CCDC88C: variants seen among roughly 807,000 people sequenced by gnomAD.
CCDC88C encodes protein Daple.
Under a neutral mutation model 198.8 loss-of-function variants are expected in CCDC88C, and 131 were observed. The observed-to-expected ratio is 0.66, with a 90% CI of 0.57 to 0.76. The LOEUF is 0.76. Among genes scored for constraint, CCDC88C ranks in the 30% least tolerant of loss-of-function variants. CCDC88C has a pLI of 0.00. For missense variants in CCDC88C, 2,553 were observed against 2,631.6 expected (o/e 0.97, Z 0.65); for synonymous variants, 1,166 against 1,114.7 (o/e 1.05, Z -0.92).
chr14:91,308,027 G>A (rs1046549587), intron 17 of CCDC88C, among the ~76,000 whole-genome samples: 7 of 152,260 alleles, frequency 4.6e-5, no homozygotes, highest in African/African-American at 1.2e-4. Flanking sequence ...GAGGGCACCC[G>A]TGAGACTCTG....
chr14:91,400,718 T>A (rs138708623), intron 3 of CCDC88C, among the ~76,000 whole-genome samples: 37 of 152,390 alleles, frequency 2.4e-4, no homozygotes, highest in African/African-American at 8.9e-4. Context: ...AATAGCAATT[T>A]GTTAAAATAG....
rs184901155 is a variant in CCDC88C at position 91,369,157 on chromosome 14, C to A, written c.271-9446G>T. On this transcript the variant is annotated intron_variant, in intron 3 of 29. Transcript: ENST00000389857. ...CATCTTCATCACCTCATGCCCAAAG[C>A]CAGAGCACTTTCTACAGCACAGGCC... Among the ~76,000 whole-genome samples the A allele has an allele frequency of 4.1e-3, 626 of 152,300 alleles. 3 individuals carry two copies. Among genetic ancestry groups the A allele is most frequent in the South Asian group, 0.016 (77 of 4,820 alleles).
Position 91,273,652 on chromosome 14 carries a change from TC to T in CCDC88C, c.5059del (p.Asp1687ThrfsTer10). On this transcript the variant is annotated frameshift_variant and splice_region_variant, in exon 30 of 30. Coordinates refer to ENST00000389857, the MANE Select transcript of CCDC88C (RefSeq NM_001080414.4). LOFTEE classifies it low-confidence loss of function (END_TRUNC). This position sits in a 1 kb window ranked among gnomAD's most constrained non-coding sequence, Gnocchi z 5.6. ...EESNRSSPTH[D>X]TPSCRDDLLS... The stretch of plus-strand genomic sequence containing the variant: ...CAGGTCATCCCGGCAACTGGGAGTG[TC>T]CTACGGAGAAGAGAGTGAAGGTTGG... 1 of 1,469,482 alleles carries T rather than the reference TC, an allele frequency of 6.8e-7. No individual in the cohort carries two copies. Among genetic ancestry groups the T allele is most frequent in the Non-Finnish European group, 9.0e-7 (1 of 1,109,044 alleles). The allele number at this position is 1,469,482 out of a possible 1,614,324, so 91.0% of individuals were successfully genotyped here. A position where few individuals can be genotyped will look rare whatever the true frequency, so the allele number is the denominator to read the frequency against.
chr14:91,346,481 ATT>A (rs33941089), intron 4 of CCDC88C, among the ~76,000 whole-genome samples: 8 of 149,538 alleles, frequency 5.3e-5, no homozygotes, highest in Non-Finnish European at 1.0e-4. Context: ...AAATCTTAGG[ATT>A]TTTTTTTTTT....
At chr14:91,300,576 C>G (rs1252646639) in intron 20 of CCDC88C, among the ~76,000 whole-genome samples, 1 of 152,188 alleles carries the variant, frequency 6.6e-6, no homozygotes, top group African/African-American at 2.4e-5. Context: ...TGTTCTTAGT[C>G]TGGCCTTCCC....
At position 91,352,852 on chromosome 14, in the gene CCDC88C, A is replaced by AT. The variant is rs1412744864; in HGVS notation, c.340+6789dup. 6.6e-6 allele frequency among the ~76,000 whole-genome samples: 1 copy of AT among 152,152 alleles called. No individual in the cohort carries two copies. The highest frequency in any genetic ancestry group is 1.5e-5 in the Non-Finnish European group (1 of 68,028). On this transcript the variant is annotated intron_variant, in intron 4 of 29. Coordinates refer to ENST00000389857, the MANE Select transcript of CCDC88C (RefSeq NM_001080414.4). The surrounding 1 kb of genome is among the most constrained non-coding windows in gnomAD (Gnocchi z 4.2). Reference sequence around the variant, plus strand: ...CAGGGCCAGGAAGACAGGGCTTTTGATTTTTAAAAGCACCATCTCTGCAGC... The same window carrying AT: ...CAGGGCCAGGAAGACAGGGCTTTTGATTTTTTAAAAGCACCATCTCTGCAGC...
rs111597834 is a variant in CCDC88C, at chr14:91,285,040, T to C, written c.4442-1523A>G. On this transcript the variant is annotated intron_variant, in intron 25 of 29. Transcript: ENST00000389857. ...TTTAACTTCAGCATCCAAGATGTCA[T>C]AAAACCACAGCACAGTCATAAAACT... Among the ~76,000 whole-genome samples, 721 of 152,280 alleles carry C rather than the reference T, an allele frequency of 4.7e-3. 5 individuals carry two copies. The highest frequency in any genetic ancestry group is 0.016 in the African/African-American group (670 of 41,554).
At position 91,341,119 on chromosome 14, in the gene CCDC88C, C is replaced by T. The variant is rs114114807; in HGVS notation, c.484-1095G>A. Among the ~76,000 whole-genome samples, 1,125 of 152,320 alleles carry T rather than the reference C, an allele frequency of 7.4e-3. 11 individuals carry two copies. Among genetic ancestry groups the T allele is most frequent in the African/African-American group, 0.026 (1,068 of 41,568 alleles). On this transcript the variant is annotated intron_variant, in intron 6 of 29. Transcript: ENST00000389857. Reference sequence around the variant, plus strand: ...AGAGACACCACCTTCTTACCTCTCCCCACCTTAAAAGGCCGAGTTTGGATA... The same window carrying T: ...AGAGACACCACCTTCTTACCTCTCCTCACCTTAAAAGGCCGAGTTTGGATA...
intron 3 of CCDC88C, among the ~76,000 whole-genome samples, chr14:91,400,752 C>T (rs1311197940): frequency 1.3e-5 from 2 of 152,112 alleles, no homozygotes; most frequent in Admixed American, 1.3e-4. Context: ...AACACAATCA[C>T]AAAGGGTGAA....
Position 91,294,285 on chromosome 14 carries a change from C to T in CCDC88C, c.4000G>A (p.Glu1334Lys). 6.2e-7 allele frequency: 1 copy of T among 1,614,034 alleles called. No homozygotes were observed. Among genetic ancestry groups the T allele is most frequent in the Non-Finnish European group, 8.5e-7 (1 of 1,179,894 alleles). ...ATCTGGCTCAGGAGGTGATGATTTT[C>T]TTCCTCCAAGTTCCCCTTGAGACGG... is the stretch of plus-strand genomic sequence containing the variant. The part of the protein sequence containing the change: ...LSRLKGNLEE[E>K]NHHLLSQIQL... The change falls in exon 23 of 30, where the codon GAA becomes AAA. Residue 1334 changes from glutamate to lysine, a missense_variant. This residue lies in a region of CCDC88C where 1,293 missense variants were observed against 1,219.6 expected (regional missense o/e 1.06). Transcript: ENST00000389857.
chr14:91,382,848 G>A (rs1884890167), intron 3 of CCDC88C, among the ~76,000 whole-genome samples: 1 of 152,138 alleles, frequency 6.6e-6, no homozygotes, highest in South Asian at 2.1e-4. Context: ...GCCTCTCAGG[G>A]CCCAGGTGTC....
intron 3 of CCDC88C, among the ~76,000 whole-genome samples, chr14:91,403,785 C>G (rs111438444): frequency 0.021 from 3,202 of 152,216 alleles, 112 homozygotes; most frequent in African/African-American, 0.072. Context: ...CAAAAAGTAG[C>G]CAGGCGTGGT....
At position 91,272,921 on chromosome 14, in the gene CCDC88C, G is replaced by T. The variant is rs1283023729; in HGVS notation, c.5791C>A (p.Pro1931Thr). Reference sequence around the variant, plus strand: ...GTCCTGGCAGCCGGGGCTGCAGCAGGTGAGAAGTGCAGGAGCTGGGAGTTG... The same window carrying T: ...GTCCTGGCAGCCGGGGCTGCAGCAGTTGAGAAGTGCAGGAGCTGGGAGTTG... ...GSNSQLLHFSPAAAPAARTKP... is the reference protein window; with the variant it reads ...GSNSQLLHFSTAAAPAARTKP... Residue 1931 changes from proline to threonine, a missense_variant, in exon 30 of 30, where the codon CCT becomes ACT. Pro to Thr is a conservative substitution (Grantham distance 38, BLOSUM62 -1). This residue lies in a region of CCDC88C where 1,293 missense variants were observed against 1,219.6 expected (regional missense o/e 1.06). Coordinates refer to ENST00000389857, the MANE Select transcript of CCDC88C (RefSeq NM_001080414.4). 1 of 1,573,132 alleles carries T rather than the reference G, an allele frequency of 6.4e-7. No homozygotes were observed. The highest frequency in any genetic ancestry group is 8.6e-7 in the Non-Finnish European group (1 of 1,163,978).
chr14:91,271,674 G>A lies in CCDC88C; in HGVS notation c.*951C>T, dbSNP rs1453600352. The A allele has an allele frequency of 2.0e-5, 3 of 152,280 alleles. No individual in the cohort carries two copies. The highest frequency in any genetic ancestry group is 3.9e-4 in the East Asian group (2 of 5,192). The allele number at this position is 152,280 out of a possible 1,614,324, so 9.4% of individuals were successfully genotyped here. On this transcript the variant is annotated 3_prime_UTR_variant, in exon 30 of 30. Coordinates refer to ENST00000389857, the MANE Select transcript of CCDC88C (RefSeq NM_001080414.4). ...TTCACATGAGTGTGTACATATACAT[G>A]TCATATATTAAAAAAAATTGGTTTC...
At chr14:91,329,024 G>A (rs1892697085) in intron 10 of CCDC88C, among the ~76,000 whole-genome samples, 1 of 152,178 alleles carries the variant, frequency 6.6e-6, no homozygotes, top group Non-Finnish European at 1.5e-5. Flanking sequence ...GGCTGGCCCA[G>A]GGCATCCTCA....
chr14:91,362,389 C>T (rs566220387), intron 3 of CCDC88C, among the ~76,000 whole-genome samples: 9 of 152,262 alleles, frequency 5.9e-5, no homozygotes, highest in Admixed American at 2.0e-4. Context: ...TCAGGGTGAA[C>T]GTGTTTATAA....
At chr14:91,370,971 C>T (rs1596123485) in intron 3 of CCDC88C, among the ~76,000 whole-genome samples, 1 of 152,314 alleles carries the variant, frequency 6.6e-6, no homozygotes, top group East Asian at 1.9e-4. Context: ...ATCCACTCAG[C>T]GGTGTCTGCT....
intron 21 of CCDC88C, among the ~76,000 whole-genome samples, chr14:91,299,105 G>A (rs532432979): frequency 2.6e-4 from 39 of 152,298 alleles, no homozygotes; most frequent in Admixed American, 2.2e-3. Context: ...TTAGGTTCCC[G>A]GGAGCCTCTG....
chr14:91,321,074 C>T (rs1311074359), intron 13 of CCDC88C, 46 bp downstream of exon 13: 6 of 1,533,834 alleles, frequency 3.9e-6, no homozygotes, highest in Non-Finnish European at 4.4e-6. Flanking sequence ...TGGGAGGGTG[C>T]CCAAGGGTTC....
Sources: gnomAD v4.1 joint callset for allele counts (sites outside exome capture counted in the v4.1 genomes callset) on GRCh38, gnomAD v4.1.1 for gene constraint, gnomAD v4.1.1 regional missense constraint, Gnocchi (gnomAD v3.1) non-coding constraint, MANE v1.5 for transcripts, NCBI Gene and HGNC (gene_info 2026-07-23, HGNC 2026-07-21) for gene names.